Variants in PCDHGA7 observed in about 807,000 individuals in gnomAD.
PCDHGA7 encodes the protein protocadherin gamma-A7.
In PCDHGA7, 44 loss-of-function variants were observed where a neutral mutation model predicts 58.3. The observed-to-expected ratio is 0.75, with a 90% CI of 0.59 to 0.97. The LOEUF (loss-of-function observed/expected upper bound fraction) is 0.97, where lower values mean the gene tolerates loss of function less well. Ranked by LOEUF, PCDHGA7 falls within the 50% of genes least tolerant of loss-of-function variation. The pLI is 0.00. For missense variants in PCDHGA7, 1,266 were observed against 1,188.7 expected (o/e 1.06, Z -0.96); for synonymous variants, 516 against 504.2 (o/e 1.02, Z -0.31).
chr5:141,409,303 C>G, intron 1 of PCDHGA7: 3 of 1,613,922 alleles, frequency 1.9e-6, no homozygotes, highest in South Asian at 2.2e-5. Flanking sequence ...TGGTTGTTGC[C>G]CTCTTCAAAA....
At chr5:141,455,160 G>GT (rs59530096) in intron 1 of PCDHGA7, among the ~76,000 whole-genome samples, 26,536 of 149,098 alleles carry the variant, frequency 0.18, 2,386 homozygotes, top group South Asian at 0.23. Flanking sequence ...TAGTTTGTTG[G>GT]TTTTTTTTTT....
chr5:141,447,328 C>T (rs546209008), intron 1 of PCDHGA7, among the ~76,000 whole-genome samples: 39 of 151,886 alleles, frequency 2.6e-4, no homozygotes, highest in Admixed American at 7.2e-4. Flanking sequence ...TTAGTAGAGA[C>T]GGGTTTCATC....
In PCDHGA7 at chr5:141,383,342, C is replaced by T; in HGVS notation, c.443C>T (p.Pro148Leu). ...GTAAAAATAATGGAGAATACAGCTC[C>T]TGGGGTTCGGTTTCCGTTAAGCGAG... Reference protein sequence around the residue: ...INVKIMENTAPGVRFPLSEAG... With the variant: ...INVKIMENTALGVRFPLSEAG... The change falls in exon 1 of 4, where the codon CCT becomes CTT. Residue 148 changes from proline to leucine, a missense_variant. Pro to Leu is a moderately conservative substitution (Grantham distance 98). Transcript: ENST00000518325. The T allele has an allele frequency of 1.2e-6, 2 of 1,613,958 alleles. No homozygotes were observed. The highest frequency in any genetic ancestry group is 1.7e-6 in the Non-Finnish European group (2 of 1,179,894).
At chr5:141,505,260 C>T in intron 2 of PCDHGA7, 133 bp from the exon 3 acceptor site, 2 of 1,502,832 alleles carry the variant, frequency 1.3e-6, no homozygotes, top group South Asian at 1.3e-5. Context: ...TGCCTCCTAC[C>T]TTGCTGAGAG....
intron 1 of PCDHGA7, chr5:141,396,033 C>T (rs191318626): frequency 1.3e-5 from 2 of 152,280 alleles, no homozygotes; most frequent in East Asian, 3.9e-4. Context: ...TATGTAAGAA[C>T]ATATTTCAAT....
rs145288114 is a variant in PCDHGA7 at position 141,477,334 on chromosome 5, C to T, written c.2425-17473C>T. On this transcript the variant is annotated intron_variant, in intron 1 of 3. Coordinates refer to ENST00000518325, the MANE Select transcript of PCDHGA7 (RefSeq NM_018920.4). This position sits in a 1 kb window ranked among gnomAD's most constrained non-coding sequence, Gnocchi z 4.9. ...GCCTTACTTCTTCCCTCAAGAATTA[C>T]TTCACTTTGAAAACCAGTGCAGACC... is the stretch of plus-strand genomic sequence containing the variant. 1.3e-4 allele frequency: 215 copies of T among 1,614,074 alleles called. No homozygotes were observed. Among genetic ancestry groups the T allele is most frequent in the Non-Finnish European group, 1.8e-4 (210 of 1,180,044 alleles).
At position 141,385,224 on chromosome 5, in the gene PCDHGA7, T is replaced by C. The variant is rs751833387; in HGVS notation, c.2325T>C (p.Tyr775=). Residue 775 remains tyrosine, a synonymous_variant, in exon 1 of 4, where the codon TAT becomes TAC. Coordinates refer to ENST00000518325, the MANE Select transcript of PCDHGA7 (RefSeq NM_018920.4). ...ACCTGATCTTCCCCCAGCCCAACTA[T>C]GTAGACATGCTCATCAGCCAGGAGA... ...KSHLIFPQPN[Y]VDMLISQESC... is the part of the protein sequence containing the mutation. 2 of 1,614,206 alleles carry C rather than the reference T, an allele frequency of 1.2e-6. No homozygotes were observed. Among genetic ancestry groups the C allele is most frequent in the Non-Finnish European group, 1.7e-6 (2 of 1,180,038 alleles).
At chr5:141,427,365 TG>T (rs1391779401) in intron 1 of PCDHGA7, 2 of 457,804 alleles carry the variant, frequency 4.4e-6, no homozygotes, top group Non-Finnish European at 8.8e-6. Flanking sequence ...CGCAGAACCC[TG>T]GACGGTGATC....
intron 1 of PCDHGA7, chr5:141,419,166 A>G: frequency 6.2e-7 from 1 of 1,613,944 alleles, no homozygotes; most frequent in Non-Finnish European, 8.5e-7. Context: ...TCCTCCAGCA[A>G]AACCATAACC....
In PCDHGA7 at chr5:141,388,498, A is replaced by G. The variant is rs1025242684; in HGVS notation, c.2424+3175A>G. The G allele has an allele frequency of 9.9e-6, 16 of 1,613,748 alleles. No homozygotes were observed. Among genetic ancestry groups the G allele is most frequent in the Admixed American group, 1.7e-5 (1 of 60,004 alleles). ...AAGACACCTTTGGACAGAGAAAAGCAGAAATCCTACCACTTGACTTTGACT... is the reference window on the plus strand; with the variant it reads ...AAGACACCTTTGGACAGAGAAAAGCGGAAATCCTACCACTTGACTTTGACT... On this transcript the variant is annotated intron_variant, in intron 1 of 3. Transcript: ENST00000518325.
chr5:141,388,631 G>T, intron 1 of PCDHGA7: 2 of 1,613,960 alleles, frequency 1.2e-6, no homozygotes, highest in Non-Finnish European at 1.7e-6. Context: ...TATACAGGGT[G>T]AGCCTTTCAG....
Position 141,485,411 on chromosome 5 carries a change from G to C in PCDHGA7, c.2425-9396G>C, listed in dbSNP as rs1412397411. On this transcript the variant is annotated intron_variant, in intron 1 of 3. Coordinates refer to ENST00000518325, the MANE Select transcript of PCDHGA7 (RefSeq NM_018920.4). This position sits in a 1 kb window ranked among gnomAD's most constrained non-coding sequence, Gnocchi z 5.7. The stretch of plus-strand genomic sequence containing the variant: ...CCAAAGACACTTCCGTGTGGATTTG[G>C]ACAGCGGAGCCCTGCTCATCAAGAA... The C allele has an allele frequency of 2.5e-6, 4 of 1,614,054 alleles. No homozygotes were observed. Among genetic ancestry groups the C allele is most frequent in the Non-Finnish European group, 3.4e-6 (4 of 1,180,044 alleles).
In PCDHGA7 at chr5:141,432,518, C is replaced by T. The variant is rs1314948517; in HGVS notation, c.2424+47195C>T. 6.2e-7 allele frequency: 1 copy of T among 1,614,126 alleles called. No homozygotes were observed. The highest frequency in any genetic ancestry group is 8.5e-7 in the Non-Finnish European group (1 of 1,180,024). On this transcript the variant is annotated intron_variant, in intron 1 of 3. Coordinates refer to ENST00000518325, the MANE Select transcript of PCDHGA7 (RefSeq NM_018920.4). This position sits in a 1 kb window ranked among gnomAD's most constrained non-coding sequence, Gnocchi z 6.0. The stretch of plus-strand genomic sequence containing the variant: ...TCCCCGCTCCGCAGAGCCCGGCTAC[C>T]TGGTGACCAAGGTGGTGGCGGTGGA...
chr5:141,442,798 A>G (rs1055527090), intron 1 of PCDHGA7, among the ~76,000 whole-genome samples: 1 of 152,256 alleles, frequency 6.6e-6, no homozygotes, highest in East Asian at 1.9e-4. Flanking sequence ...TTTTACTTTG[A>G]TATTCAAATT....
Position 141,491,504 on chromosome 5 carries a change from G to T in PCDHGA7, c.2425-3303G>T. 6.2e-7 allele frequency: 1 copy of T among 1,614,048 alleles called. No homozygotes were observed. The highest frequency in any genetic ancestry group is 2.2e-5 in the East Asian group (1 of 44,876). Reference sequence around the variant, plus strand: ...CCCAACCTGCAGGTGAGCTCGGACGGCACGCTCAAGTACATGGAGGTGACG... The same window carrying T: ...CCCAACCTGCAGGTGAGCTCGGACGTCACGCTCAAGTACATGGAGGTGACG... On this transcript the variant is annotated intron_variant, in intron 1 of 3. Transcript: ENST00000518325. The surrounding 1 kb of genome is among the most constrained non-coding windows in gnomAD (Gnocchi z 6.9).
Position 141,486,902 on chromosome 5 carries a change from C to T in PCDHGA7, c.2425-7905C>T, listed in dbSNP as rs2099636761. On this transcript the variant is annotated intron_variant, in intron 1 of 3. Transcript: ENST00000518325. This position sits in a 1 kb window ranked among gnomAD's most constrained non-coding sequence, Gnocchi z 5.0. ...TCGGGCCCGGCCTGGTTCCTTATGT[C>T]CCCAAGCACTGCCTCCATCAGTTGG... 1 of 1,614,226 alleles carries T rather than the reference C, an allele frequency of 6.2e-7. No individual in the cohort carries two copies. The highest frequency in any genetic ancestry group is 8.5e-7 in the Non-Finnish European group (1 of 1,180,044).
chr5:141,389,001 G>T (rs1313177903), intron 1 of PCDHGA7: 1 of 1,614,018 alleles, frequency 6.2e-7, no homozygotes, highest in Non-Finnish European at 8.5e-7. Context: ...CCGTGACAAG[G>T]ATTCCAGACA....
intron 1 of PCDHGA7, among the ~76,000 whole-genome samples, chr5:141,467,039 A>G (rs1467529268): frequency 2.6e-5 from 4 of 150,960 alleles, no homozygotes; most frequent in Non-Finnish European, 5.9e-5. Context: ...TTTTTTGTGT[A>G]ATGAATCAAT....
intron 1 of PCDHGA7, among the ~76,000 whole-genome samples, chr5:141,459,221 G>A (rs1028895845): frequency 9.2e-5 from 14 of 152,154 alleles, no homozygotes; most frequent in African/African-American, 3.1e-4. Flanking sequence ...TCCAGCTCCA[G>A]GCAACAACTG....
Sources: allele counts gnomAD v4.1 joint callset (sites outside exome capture counted in the v4.1 genomes callset), GRCh38; gene constraint gnomAD v4.1.1; non-coding constraint Gnocchi (gnomAD v3.1); transcripts MANE v1.5; gene names NCBI Gene and HGNC (gene_info 2026-07-23, HGNC 2026-07-21).